Variants in ZBTB7C observed in about 807,000 individuals in gnomAD.
The protein encoded by ZBTB7C is zinc finger and BTB domain containing 7C.
Under a neutral mutation model 25.7 loss-of-function variants are expected in ZBTB7C, and 8 were observed. The ratio of observed to expected loss-of-function variants is 0.31; its 90% CI spans 0.18 to 0.56. The LOEUF is 0.56. Among genes scored for constraint, ZBTB7C ranks in the 20% least tolerant of loss-of-function variants. ZBTB7C has a pLI of 0.91. For missense variants in ZBTB7C, 824 were observed against 855.2 expected (o/e 0.96, Z 0.46); for synonymous variants, 394 against 369.0 (o/e 1.07, Z -0.78).
intron 2 of ZBTB7C, among the ~76,000 whole-genome samples, chr18:48,320,284 G>C (rs2046058405): frequency 6.6e-6 from 1 of 152,220 alleles, no homozygotes; most frequent in East Asian, 1.9e-4. Flanking sequence ...GGGGAAGTGG[G>C]TAGATGGGTA....
intron 1 of ZBTB7C, among the ~76,000 whole-genome samples, chr18:48,395,265 ATGTGTGTGTGTGTGTGTGTGTGTG>A (rs59232482): frequency 1.5e-4 from 16 of 103,624 alleles, no homozygotes; most frequent in East Asian, 1.5e-3. Context: ...GAGAGAGAGA[ATGTGTGTGTGTGTGTGTGTGTGTG>A]TGTGTGTGTG....
Position 48,361,944 on chromosome 18 carries a change from C to T in ZBTB7C, c.-303-23546G>A, listed in dbSNP as rs141323836. Among the ~76,000 whole-genome samples the T allele has an allele frequency of 3.6e-3, 555 of 152,314 alleles. 3 individuals carry two copies. Among genetic ancestry groups the T allele is most frequent in the Non-Finnish European group, 6.7e-3 (455 of 68,020 alleles). ...GAGGAGACAATGAGGGGAACTGCCT[C>T]CCCTCGTGTAACTCCAGCGTTACCT... On this transcript the variant is annotated intron_variant, in intron 1 of 4. Transcript: ENST00000590800.
intron 3 of ZBTB7C, chr18:48,165,163 A>T (rs1220935626): frequency 7.8e-7 from 1 of 1,283,886 alleles, no homozygotes; most frequent in African/African-American, 1.5e-5. Context: ...GGAAATTTGC[A>T]GTCCAGGAAG....
chr18:48,296,931 C>T (rs1415322155), intron 2 of ZBTB7C, among the ~76,000 whole-genome samples: 6 of 152,182 alleles, frequency 3.9e-5, no homozygotes, highest in South Asian at 4.1e-4. Flanking sequence ...GGCCAAACCC[C>T]GTCTCTACTA....
intron 1 of ZBTB7C, among the ~76,000 whole-genome samples, chr18:48,342,246 G>T (rs752657146): frequency 2.0e-5 from 3 of 152,246 alleles, no homozygotes; most frequent in Non-Finnish European, 4.4e-5. Context: ...CCACTCAGAA[G>T]CTGCCCACTC....
At chr18:48,039,769 G>A in intron 4 of ZBTB7C, 131 bp downstream of exon 4, 1 of 950,528 alleles carries the variant, frequency 1.1e-6, no homozygotes, top group South Asian at 1.5e-5. Context: ...TAGCACCCCT[G>A]CTAGCCACGA....
At chr18:48,168,054 C>A (rs927630883) in intron 3 of ZBTB7C, among the ~76,000 whole-genome samples, 6 of 152,176 alleles carry the variant, frequency 3.9e-5, no homozygotes, top group Non-Finnish European at 8.8e-5. Context: ...GTGACCAGGA[C>A]AACACACTCT....
intron 3 of ZBTB7C, among the ~76,000 whole-genome samples, chr18:48,054,076 C>G (rs987567341): frequency 2.6e-5 from 4 of 152,178 alleles, no homozygotes; most frequent in African/African-American, 9.7e-5. Context: ...TAGAGACAGG[C>G]TAGTCTGGGA....
intron 3 of ZBTB7C, among the ~76,000 whole-genome samples, chr18:48,123,188 A>T (rs2039688493): frequency 6.6e-6 from 1 of 152,178 alleles, no homozygotes. Flanking sequence ...TGATCACATG[A>T]TAGGGGTTGA....
intron 2 of ZBTB7C, among the ~76,000 whole-genome samples, chr18:48,272,840 T>C (rs1384294344): frequency 6.6e-6 from 1 of 152,190 alleles, no homozygotes; most frequent in African/African-American, 2.4e-5. Flanking sequence ...TAGGTACTAA[T>C]TTATGCTAGG....
At position 48,291,293 on chromosome 18, in the gene ZBTB7C, A is replaced by AGG. The variant is rs113225402; in HGVS notation, c.-79+46879_-79+46880dup. Among the ~76,000 whole-genome samples the AGG allele has an allele frequency of 2.6e-5, 4 of 152,036 alleles. No individual in the cohort carries two copies. In the South Asian group the frequency reaches 6.2e-4, roughly 24 times the overall value. On this transcript the variant is annotated intron_variant, in intron 2 of 4. Transcript: ENST00000590800. ...CACAAACTCAGGGAGGGTGGTGGTG[A>AGG]GGGGGGATGTTTGAGAACTACCTCT...
In ZBTB7C at chr18:48,376,914, A is replaced by G. The variant is rs140720162; in HGVS notation, c.-304+32312T>C. 1.7e-4 allele frequency among the ~76,000 whole-genome samples: 26 copies of G among 152,370 alleles called. No individual in the cohort carries two copies. In the East Asian group the frequency reaches 4.2e-3, roughly 25 times the overall value. On this transcript the variant is annotated intron_variant, in intron 1 of 4. Coordinates refer to ENST00000590800, the MANE Select transcript of ZBTB7C (RefSeq NM_001318841.2). ...GTGCACAGAAACGCAAAGAGGGCAG[A>G]CATTGTTAGGTAGTAACACCTCCAT... is the stretch of plus-strand genomic sequence containing the variant.
At chr18:48,204,072 G>A (rs569298918) in intron 2 of ZBTB7C, among the ~76,000 whole-genome samples, 2 of 152,286 alleles carry the variant, frequency 1.3e-5, no homozygotes, top group East Asian at 3.9e-4. Context: ...CTCCCCCTCA[G>A]GCCCTCACCC....
intron 2 of ZBTB7C, among the ~76,000 whole-genome samples, chr18:48,230,187 A>C (rs1415471734): frequency 6.6e-6 from 1 of 152,234 alleles, no homozygotes; most frequent in Non-Finnish European, 1.5e-5. Flanking sequence ...GGCTCATCAA[A>C]CAACACTCCC....
Position 48,140,667 on chromosome 18 carries a change from A to C in ZBTB7C, c.-17+45267T>G, listed in dbSNP as rs148847838. On this transcript the variant is annotated intron_variant, in intron 3 of 4. Coordinates refer to ENST00000590800, the MANE Select transcript of ZBTB7C (RefSeq NM_001318841.2). ...GGTATTGTTAGGCAGGGGGAGGCTG[A>C]GAGGGAGGTTGGCCTTTGCTAGAGT... 7.8e-3 allele frequency among the ~76,000 whole-genome samples: 1,187 copies of C among 152,246 alleles called. 9 individuals carry two copies. Among genetic ancestry groups the C allele is most frequent in the African/African-American group, 0.027 (1,130 of 41,544 alleles).
chr18:48,206,804 A>G (rs2042585883), intron 2 of ZBTB7C, among the ~76,000 whole-genome samples: 1 of 152,224 alleles, frequency 6.6e-6, no homozygotes, highest in African/African-American at 2.4e-5. Flanking sequence ...TCAGGTAGGC[A>G]AAGAAGTTCG....
chr18:48,099,494 T>C (rs1388425776), intron 3 of ZBTB7C, among the ~76,000 whole-genome samples: 1 of 152,236 alleles, frequency 6.6e-6, no homozygotes, highest in East Asian at 1.9e-4. Context: ...ACCTTGGCTT[T>C]AGATTAAACT....
At chr18:48,193,216 G>A (rs1339780892) in intron 2 of ZBTB7C, among the ~76,000 whole-genome samples, 2 of 152,102 alleles carry the variant, frequency 1.3e-5, no homozygotes, top group Non-Finnish European at 2.9e-5. Flanking sequence ...CCAGCAACCC[G>A]GGCACCTCCG....
chr18:48,270,315 T>C (rs1384424872), intron 2 of ZBTB7C, among the ~76,000 whole-genome samples: 3 of 138,448 alleles, frequency 2.2e-5, no homozygotes, highest in African/African-American at 8.1e-5. Context: ...TGGAGTGCAG[T>C]GGTGCGATCT....
Sources: allele counts gnomAD v4.1 joint callset (sites outside exome capture counted in the v4.1 genomes callset), GRCh38; gene constraint gnomAD v4.1.1; transcripts MANE v1.5; gene names NCBI Gene and HGNC (gene_info 2026-07-23, HGNC 2026-07-21).